Variants in APBA1 observed in about 807,000 individuals in gnomAD.
The protein encoded by APBA1 is amyloid-beta A4 precursor protein-binding family A member 1.
Under a neutral mutation model 86.6 loss-of-function variants are expected in APBA1, and 55 were observed. The ratio of observed to expected loss-of-function variants is 0.64; its 90% CI spans 0.51 to 0.80. The LOEUF is 0.80. Among genes scored for constraint, APBA1 ranks in the 30% least tolerant of loss-of-function variants. APBA1 has a pLI of 0.00. For synonymous variants in APBA1, 511 were observed against 493.9 expected (o/e 1.03, Z -0.46); for missense variants, 1,090 against 1,183.0 (o/e 0.92, Z 1.15).
At chr9:69,625,592 C>A (rs142688997) in intron 1 of APBA1, among the ~76,000 whole-genome samples, 1,627 of 152,158 alleles carry the variant, frequency 0.011, 17 homozygotes, top group Non-Finnish European at 0.017. Context: ...TCTTAGGGTT[C>A]AAGCATTAAT....
chr9:69,499,571 CACAACAGCA>C lies in APBA1; in HGVS notation c.1200+16431_1200+16439del, dbSNP rs558174754. 2.4e-4 allele frequency among the ~76,000 whole-genome samples: 37 copies of C among 151,800 alleles called. 1 individual carries two copies. Among genetic ancestry groups the C allele is most frequent in the African/African-American group, 8.9e-4 (37 of 41,398 alleles). On this transcript the variant is annotated intron_variant, in intron 2 of 12. Coordinates refer to ENST00000265381, the MANE Select transcript of APBA1 (RefSeq NM_001163.4). ...TCGCTCGCCCTTGTAAGCTTGACAA[CACAACAGCA>C]AGGTCGACAGGATAAGAGGCTCTAA...
At chr9:69,445,800 A>G (rs890779172) in intron 10 of APBA1, among the ~76,000 whole-genome samples, 6 of 152,204 alleles carry the variant, frequency 3.9e-5, no homozygotes, top group Admixed American at 3.9e-4. Context: ...ACAATAGTCA[A>G]CCAGTATTGA....
At chr9:69,470,214 C>T (rs1835345113) in intron 4 of APBA1, among the ~76,000 whole-genome samples, 1 of 152,018 alleles carries the variant, frequency 6.6e-6, no homozygotes, top group African/African-American at 2.4e-5. Flanking sequence ...AAATAAAAGC[C>T]CCAATTTCAT....
chr9:69,576,162 C>A (rs1366801620), intron 1 of APBA1, among the ~76,000 whole-genome samples: 1 of 152,168 alleles, frequency 6.6e-6, no homozygotes, highest in African/African-American at 2.4e-5. Context: ...AATGAGATAC[C>A]ATCTCACACC....
chr9:69,664,180 T>G (rs1823804742), intron 1 of APBA1, among the ~76,000 whole-genome samples: 2 of 152,218 alleles, frequency 1.3e-5, no homozygotes, highest in Admixed American at 6.5e-5. Context: ...CTGAAGGCTA[T>G]GCAATTGAAA....
At chr9:69,625,809 G>C (rs1301145615) in intron 1 of APBA1, among the ~76,000 whole-genome samples, 1 of 152,096 alleles carries the variant, frequency 6.6e-6, no homozygotes, top group East Asian at 1.9e-4. Flanking sequence ...CCATCAACTT[G>C]AATATACAAG....
At chr9:69,608,878 G>A (rs151134183) in intron 1 of APBA1, among the ~76,000 whole-genome samples, 181 of 152,132 alleles carry the variant, frequency 1.2e-3, no homozygotes, top group African/African-American at 3.9e-3. Context: ...ACCCTGTGCC[G>A]TCTTGTTAGC....
intron 4 of APBA1, among the ~76,000 whole-genome samples, chr9:69,470,343 C>T (rs1049999640): frequency 4.6e-5 from 7 of 152,090 alleles, no homozygotes; most frequent in African/African-American, 1.7e-4. Flanking sequence ...CATGGTTTCC[C>T]TTTAGTGCTG....
chr9:69,439,481 C>G (rs1386708869), intron 11 of APBA1, among the ~76,000 whole-genome samples: 1 of 147,458 alleles, frequency 6.8e-6, no homozygotes, highest in African/African-American at 2.5e-5. Flanking sequence ...TCCTATCTAT[C>G]TATCTTTTTA....
chr9:69,556,084 A>G (rs1237893307), intron 1 of APBA1, among the ~76,000 whole-genome samples: 1 of 152,160 alleles, frequency 6.6e-6, no homozygotes, highest in East Asian at 1.9e-4. Context: ...CTTAAACACA[A>G]AAGCATTTAG....
At chr9:69,434,788 T>C (rs958806783) in intron 11 of APBA1, among the ~76,000 whole-genome samples, 1 of 152,120 alleles carries the variant, frequency 6.6e-6, no homozygotes, top group Non-Finnish European at 1.5e-5. Flanking sequence ...AATGTCCACT[T>C]TAACGTTTTT....
At chr9:69,607,950 G>A (rs1250990003) in intron 1 of APBA1, among the ~76,000 whole-genome samples, 1 of 152,160 alleles carries the variant, frequency 6.6e-6, no homozygotes, top group Non-Finnish European at 1.5e-5. Flanking sequence ...CTCAGTGCCT[G>A]TCACATAATA....
At chr9:69,529,522 T>C (rs1836391672) in intron 1 of APBA1, among the ~76,000 whole-genome samples, 1 of 152,122 alleles carries the variant, frequency 6.6e-6, no homozygotes, top group Non-Finnish European at 1.5e-5. Context: ...TGGAAACCCA[T>C]AATAGTTCAT....
At chr9:69,504,199 T>A (rs1302052688) in intron 2 of APBA1, among the ~76,000 whole-genome samples, 1 of 152,080 alleles carries the variant, frequency 6.6e-6, no homozygotes, top group African/African-American at 2.4e-5. Flanking sequence ...TGTGAGTCTT[T>A]TCTATTTCAT....
At chr9:69,453,024 A>C (rs1835037885) in intron 8 of APBA1, among the ~76,000 whole-genome samples, 1 of 152,224 alleles carries the variant, frequency 6.6e-6, no homozygotes, top group African/African-American at 2.4e-5. Context: ...TCCTACATCC[A>C]AGCTTAATCA....
At chr9:69,447,945 A>G (rs958098421) in intron 10 of APBA1, among the ~76,000 whole-genome samples, 2 of 152,006 alleles carry the variant, frequency 1.3e-5, no homozygotes, top group African/African-American at 4.8e-5. Context: ...TCATGCATGC[A>G]CCCAAGGTGT....
In APBA1 at chr9:69,517,163, C is replaced by G. The variant is rs745980500; in HGVS notation, c.48G>C (p.Ala16=). ...CCGACTCGTTCACCTCCCCACCTGCCGCCTCGTCGGTCACCTCCACCTCCG... is the reference window on the plus strand; with the variant it reads ...CCGACTCGTTCACCTCCCCACCTGCGGCCTCGTCGGTCACCTCCACCTCCG... ...GSAEVEVTDE[A]AGGEVNESVE... The change falls in exon 2 of 13, where the codon GCG becomes GCC. Residue 16 remains alanine, a synonymous_variant. Transcript: ENST00000265381. 3.2e-6 allele frequency: 5 copies of G among 1,556,636 alleles called. No individual in the cohort carries two copies. Among genetic ancestry groups the G allele is most frequent in the Non-Finnish European group, 4.3e-6 (5 of 1,152,164 alleles).
intron 1 of APBA1, among the ~76,000 whole-genome samples, chr9:69,655,616 AT>A (rs1391794867): frequency 6.6e-6 from 1 of 152,214 alleles, no homozygotes; most frequent in Non-Finnish European, 1.5e-5. Flanking sequence ...TCTCATGTTC[AT>A]AAATTGGAAG....
At chr9:69,601,261 T>A (rs1045673227) in intron 1 of APBA1, among the ~76,000 whole-genome samples, 3 of 152,204 alleles carry the variant, frequency 2.0e-5, no homozygotes, top group African/African-American at 4.8e-5. Flanking sequence ...TCTCTCAACA[T>A]AGTTGAGATA....
Sources: allele counts gnomAD v4.1 joint callset (sites outside exome capture counted in the v4.1 genomes callset), GRCh38; gene constraint gnomAD v4.1.1; transcripts MANE v1.5; gene names NCBI Gene and HGNC (gene_info 2026-07-23, HGNC 2026-07-21).